The following RGS7 variants were observed in gnomAD, a reference collection of about 807,000 sequenced individuals.
RGS7 encodes the protein regulator of G protein signaling 7.
RGS7 carries 27 observed loss-of-function variants against 81.1 expected under a neutral mutation model. The ratio of observed to expected loss-of-function variants is 0.33; its 90% CI spans 0.25 to 0.46. The LOEUF is 0.46. RGS7 is among the 20% of genes least tolerant of loss of function. The probability of loss-of-function intolerance (pLI) is 1.00; values close to 1 mark genes in which losing one functional copy is unlikely to be tolerated. For synonymous variants in RGS7, 208 were observed against 207.7 expected (o/e 1.00, Z -0.01); for missense variants, 396 against 607.4 (o/e 0.65, Z 3.66).
At chr1:241,308,502 G>A (rs775879087) in intron 2 of RGS7, among the ~76,000 whole-genome samples, 11 of 152,204 alleles carry the variant, frequency 7.2e-5, no homozygotes, top group African/African-American at 1.4e-4. Flanking sequence ...AGAGCAAACA[G>A]TCTTTTATCA....
chr1:241,148,051 C>CTTT (rs58632066), intron 2 of RGS7, among the ~76,000 whole-genome samples: 37 of 108,504 alleles, frequency 3.4e-4, no homozygotes, highest in Non-Finnish European at 4.8e-4. Flanking sequence ...TTTTCTTTTT[C>CTTT]TTTTTTTTTT....
intron 4 of RGS7, among the ~76,000 whole-genome samples, chr1:240,965,976 T>C (rs567981150): frequency 6.6e-6 from 1 of 152,210 alleles, no homozygotes; most frequent in African/African-American, 2.4e-5. Flanking sequence ...TTACCTATTG[T>C]AGAGGGAGGA....
intron 6 of RGS7, among the ~76,000 whole-genome samples, chr1:240,878,180 T>A (rs772622621): frequency 2.0e-5 from 3 of 152,168 alleles, no homozygotes; most frequent in Admixed American, 1.3e-4. Flanking sequence ...ATCTTCCCCC[T>A]TCTCCACCAA....
At chr1:240,908,044 C>A (rs576023853) in intron 6 of RGS7, among the ~76,000 whole-genome samples, 4 of 151,238 alleles carry the variant, frequency 2.6e-5, no homozygotes, top group African/African-American at 9.7e-5. Context: ...TTGTTTTTAC[C>A]ATAGCCACCA....
rs1344868529 is a variant in RGS7 at position 240,793,610 on chromosome 1, TA to T, written c.*6+7030del. 2.9e-3 allele frequency among the ~76,000 whole-genome samples: 106 copies of T among 36,004 alleles called. 1 individual carries two copies. Among genetic ancestry groups the T allele is most frequent in the Non-Finnish European group, 4.5e-3 (60 of 13,374 alleles). 23.6% of individuals were successfully genotyped at this position (36,004 alleles called of 152,430 possible). On this transcript the variant is annotated intron_variant, in intron 18 of 18. Transcript: ENST00000440928. ...GAATATATATATATATATATATATA[TA>T]TTTTTTTTTTTTTTTTGAGACAGAG... is the stretch of plus-strand genomic sequence containing the variant.
chr1:240,891,299 A>G (rs1668255596), intron 6 of RGS7, among the ~76,000 whole-genome samples: 1 of 152,246 alleles, frequency 6.6e-6, no homozygotes, highest in African/African-American at 2.4e-5. Context: ...TATATCTGCA[A>G]TGCAACTGAT....
chr1:241,000,665 T>A (rs1406362939), intron 3 of RGS7, among the ~76,000 whole-genome samples: 1 of 151,924 alleles, frequency 6.6e-6, no homozygotes, highest in East Asian at 1.9e-4. Context: ...TTCTTTTTTT[T>A]ATACAGAGTC....
chr1:241,089,092 T>C (rs111385242), intron 3 of RGS7, among the ~76,000 whole-genome samples: 1,707 of 99,668 alleles, frequency 0.017, 75 homozygotes, highest in African/African-American at 0.041. Flanking sequence ...TATATATATA[T>C]ATATACTGGC....
intron 3 of RGS7, among the ~76,000 whole-genome samples, chr1:241,091,838 G>C (rs1572652239): frequency 6.6e-6 from 1 of 152,094 alleles, no homozygotes. Context: ...AGTGAGCCAT[G>C]ACTGTGCCAC....
At chr1:241,043,512 GA>G (rs1389741559) in intron 3 of RGS7, among the ~76,000 whole-genome samples, 1 of 147,998 alleles carries the variant, frequency 6.8e-6, no homozygotes, top group Non-Finnish European at 1.5e-5. Flanking sequence ...GGTCAACTAT[GA>G]TATGATATTA....
At chr1:241,225,595 T>C (rs2075270006) in intron 2 of RGS7, among the ~76,000 whole-genome samples, 1 of 152,178 alleles carries the variant, frequency 6.6e-6, no homozygotes, top group African/African-American at 2.4e-5. Flanking sequence ...AGGCTATGGA[T>C]GTGAAATGTT....
Position 240,784,188 on chromosome 1 carries a change from G to GA in RGS7, c.*7-7976dup, listed in dbSNP as rs35249246. On this transcript the variant is annotated intron_variant, in intron 18 of 18. Transcript: ENST00000440928. The stretch of plus-strand genomic sequence containing the variant: ...GGCTACAAAAGCGAAACTCTGTCTC[G>GA]AAAAAAAAACAAAAAAACAAAACAA... 8.0e-4 allele frequency among the ~76,000 whole-genome samples: 116 copies of GA among 145,528 alleles called. 1 individual carries two copies. In the East Asian group the frequency reaches 0.016, roughly 20 times the overall value.
intron 6 of RGS7, among the ~76,000 whole-genome samples, chr1:240,921,256 A>G (rs932365361): frequency 2.6e-5 from 4 of 152,142 alleles, no homozygotes; most frequent in African/African-American, 9.7e-5. Flanking sequence ...GTACCAGAAA[A>G]AACTATAGAT....
intron 9 of RGS7, among the ~76,000 whole-genome samples, chr1:240,828,242 T>G (rs1360377730): frequency 6.6e-6 from 1 of 152,148 alleles, no homozygotes. Flanking sequence ...TTTATTGTTC[T>G]GTTGTACAGA....
chr1:240,845,564 C>T (rs1012567388), intron 9 of RGS7, among the ~76,000 whole-genome samples: 1 of 152,128 alleles, frequency 6.6e-6, no homozygotes, highest in African/African-American at 2.4e-5. Context: ...TGACTCTTAA[C>T]CATATCAAAA....
chr1:241,159,083 T>C (rs2069413079), intron 2 of RGS7, among the ~76,000 whole-genome samples: 1 of 152,256 alleles, frequency 6.6e-6, no homozygotes, highest in African/African-American at 2.4e-5. Flanking sequence ...AAACTCCATA[T>C]GGTGTTCACA....
intron 2 of RGS7, among the ~76,000 whole-genome samples, chr1:241,213,097 T>G (rs892284132): frequency 1.3e-5 from 2 of 152,164 alleles, no homozygotes; most frequent in African/African-American, 4.8e-5. Flanking sequence ...ATGGTGCTGA[T>G]TCAGAACACA....
chr1:240,895,747 TA>T (rs1451405570), intron 6 of RGS7, among the ~76,000 whole-genome samples: 2 of 152,232 alleles, frequency 1.3e-5, no homozygotes, highest in Middle Eastern at 3.2e-3. Flanking sequence ...GCAATAAACG[TA>T]CATGTGCATG....
chr1:240,782,441 G>A (rs1170542633), intron 18 of RGS7, among the ~76,000 whole-genome samples: 3 of 152,018 alleles, frequency 2.0e-5, no homozygotes, highest in Admixed American at 6.6e-5. Context: ...TAAATTTTTC[G>A]AGACAGGGTC....
Sources: gnomAD v4.1 joint callset for allele counts (sites outside exome capture counted in the v4.1 genomes callset) on GRCh38, gnomAD v4.1.1 for gene constraint, MANE v1.5 for transcripts, NCBI Gene and HGNC (gene_info 2026-07-23, HGNC 2026-07-21) for gene names.